The following OR10J1 variants were observed in gnomAD, a reference collection of about 807,000 sequenced individuals.
OR10J1 encodes olfactory receptor 10J1.
For missense variants in OR10J1, 474 were observed against 376.6 expected (o/e 1.26, Z -2.14); for synonymous variants, 202 against 143.8 (o/e 1.40, Z -2.89).
At chr1:159,425,551 C>G in the OR10J1 span, among the ~76,000 whole-genome samples, 8 of 151,768 alleles carry the variant, frequency 5.3e-5, no homozygotes, top group African/African-American at 1.9e-4. Context: ...ATTCAAGATA[C>G]TCGAAAACTT....
chr1:159,399,993 A>G, the OR10J1 span, among the ~76,000 whole-genome samples: 9 of 152,146 alleles, frequency 5.9e-5, no homozygotes, highest in East Asian at 1.5e-3. Flanking sequence ...TGTAAGCCTC[A>G]TGTAACCTCA....
At chr1:159,401,564 A>G in the OR10J1 span, among the ~76,000 whole-genome samples, 88 of 152,092 alleles carry the variant, frequency 5.8e-4, no homozygotes, top group African/African-American at 2.1e-3. Context: ...GAAATAAAAA[A>G]CCTGAGCAGA....
rs1283366547 is a variant in OR10J1, at chr1:159,440,497, G to A, written c.706G>A (p.Ala236Thr). Reference protein sequence around the residue: ...KIASVEGRKKAFATCASHLTV... With the variant: ...KIASVEGRKKTFATCASHLTV... ...TGCTTCAGTTGAGGGCCGGAAGAAGGCTTTTGCCACCTGTGCATCCCACCT... is the reference window on the plus strand; with the variant it reads ...TGCTTCAGTTGAGGGCCGGAAGAAGACTTTTGCCACCTGTGCATCCCACCT... The change falls in exon 1 of 1, where the codon GCT (alanine) becomes ACT (threonine). Residue 236 changes from alanine (A) to threonine (T), a missense_variant. Physicochemically the swap from Ala to Thr is moderately conservative, Grantham distance 58. Coordinates refer to ENST00000423932, the MANE Select transcript of OR10J1 (RefSeq NM_012351.3). The A allele has an allele frequency of 3.1e-6, 5 of 1,613,968 alleles. No individual in the cohort carries two copies. Among genetic ancestry groups the A allele is most frequent in the Non-Finnish European group, 4.2e-6 (5 of 1,180,022 alleles).
the OR10J1 span, among the ~76,000 whole-genome samples, chr1:159,431,583 T>C: frequency 1.3e-5 from 2 of 152,210 alleles, no homozygotes; most frequent in Admixed American, 6.5e-5. Flanking sequence ...CTTTCTCTGG[T>C]CTACATCTAC....
chr1:159,420,321 A>C, the OR10J1 span, among the ~76,000 whole-genome samples: 1 of 152,154 alleles, frequency 6.6e-6, no homozygotes, highest in African/African-American at 2.4e-5. Flanking sequence ...TTTACATTTA[A>C]GTTTATTATG....
chr1:159,437,052 A>G (rs1345356788), upstream of OR10J1, among the ~76,000 whole-genome samples: 1 of 152,338 alleles, frequency 6.6e-6, no homozygotes, highest in East Asian at 1.9e-4. Flanking sequence ...TAAATATCAC[A>G]TGAAAGACTA....
At chr1:159,426,518 T>C in the OR10J1 span, among the ~76,000 whole-genome samples, 1 of 151,922 alleles carries the variant, frequency 6.6e-6, no homozygotes, top group African/African-American at 2.4e-5. Context: ...AACTTAGTTT[T>C]AAAATGTACT....
the OR10J1 span, among the ~76,000 whole-genome samples, chr1:159,410,238 T>C: frequency 1.3e-5 from 2 of 152,186 alleles, no homozygotes; most frequent in Non-Finnish European, 2.9e-5. Flanking sequence ...GGACTCCCTC[T>C]TTTTCTGTTG....
chr1:159,431,907 A>G, the OR10J1 span, among the ~76,000 whole-genome samples: 1 of 152,162 alleles, frequency 6.6e-6, no homozygotes, highest in Non-Finnish European at 1.5e-5. Flanking sequence ...TCAACATATG[A>G]TGGGTTTATC....
chr1:159,425,475 T>C, the OR10J1 span, among the ~76,000 whole-genome samples: 6 of 152,114 alleles, frequency 3.9e-5, no homozygotes, highest in African/African-American at 1.4e-4. Flanking sequence ...TCTCATGTAT[T>C]TGACTGTATC....
upstream of OR10J1, among the ~76,000 whole-genome samples, chr1:159,437,336 C>A (rs1038927843): frequency 6.6e-6 from 1 of 152,078 alleles, no homozygotes; most frequent in Non-Finnish European, 1.5e-5. Flanking sequence ...TTAAATACTT[C>A]TTTTCCAAAA....
upstream of OR10J1, among the ~76,000 whole-genome samples, chr1:159,439,419 G>A (rs892050178): frequency 2.6e-5 from 4 of 152,152 alleles, no homozygotes; most frequent in Non-Finnish European, 5.9e-5. Flanking sequence ...GTGTAATACG[G>A]TTTTATGAAG....
At chr1:159,404,607 G>A in the OR10J1 span, among the ~76,000 whole-genome samples, 4 of 152,214 alleles carry the variant, frequency 2.6e-5, no homozygotes, top group African/African-American at 9.6e-5. Flanking sequence ...GGGTAGACAC[G>A]CTTCATAGAA....
the OR10J1 span, among the ~76,000 whole-genome samples, chr1:159,420,598 C>A: frequency 6.6e-6 from 1 of 152,036 alleles, no homozygotes; most frequent in Non-Finnish European, 1.5e-5. Context: ...TGGGATCAGT[C>A]TAAAGGTGAT....
the OR10J1 span, among the ~76,000 whole-genome samples, chr1:159,428,915 A>C: frequency 6.6e-6 from 1 of 152,220 alleles, no homozygotes; most frequent in African/African-American, 2.4e-5. Context: ...GAGAGTCCTT[A>C]AGAGAAAGAT....
At chr1:159,435,829 C>A (rs1049636808), upstream of OR10J1, among the ~76,000 whole-genome samples, 3 of 152,170 alleles carry the variant, frequency 2.0e-5, no homozygotes, top group Non-Finnish European at 4.4e-5. Context: ...GAAGATTTTG[C>A]ATTAGGTTCT....
chr1:159,435,753 G>A (rs936820995), upstream of OR10J1, among the ~76,000 whole-genome samples: 2 of 152,134 alleles, frequency 1.3e-5, no homozygotes, highest in Admixed American at 1.3e-4. Context: ...TAAATTGAAT[G>A]CCATAAACAA....
At chr1:159,437,771 G>A (rs888188841), upstream of OR10J1, 10 of 152,284 alleles carry the variant, frequency 6.6e-5, no homozygotes, top group African/African-American at 2.4e-4. Context: ...CCTGATCCTG[G>A]GAGAGCATCT....
the OR10J1 span, among the ~76,000 whole-genome samples, chr1:159,431,425 G>A: frequency 2.0e-5 from 3 of 152,200 alleles, no homozygotes; most frequent in African/African-American, 4.8e-5. Flanking sequence ...CCAGGAGTGC[G>A]CCTCACACAG....
Sources: gnomAD v4.1 joint callset for allele counts (sites outside exome capture counted in the v4.1 genomes callset) on GRCh38, gnomAD v4.1.1 for gene constraint, MANE v1.5 for transcripts, NCBI Gene and HGNC (gene_info 2026-07-23, HGNC 2026-07-21) for gene names.